PTPRD: variants seen among roughly 807,000 people sequenced by gnomAD.
PTPRD encodes the protein receptor-type tyrosine-protein phosphatase delta.
A neutral mutation model predicts 214.5 loss-of-function variants in PTPRD; 34 were observed. That is an observed-to-expected ratio of 0.16 (90% CI 0.12 to 0.21). PTPRD has a LOEUF of 0.21. PTPRD is among the 10% of genes least tolerant of loss of function. The pLI, the probability that PTPRD is intolerant of heterozygous loss-of-function variation, is 1.00. For missense variants in PTPRD, 2,545 were observed against 2,398.7 expected (o/e 1.06, Z -1.27); for synonymous variants, 1,128 against 845.7 (o/e 1.33, Z -5.79).
intron 3 of PTPRD, among the ~76,000 whole-genome samples, chr9:10,071,841 T>A (rs972825147): frequency 1.3e-5 from 2 of 151,992 alleles, no homozygotes; most frequent in East Asian, 1.9e-4. Flanking sequence ...TTGACAATTA[T>A]GAGAATTATA....
At chr9:9,222,867 A>G (rs949421161) in intron 9 of PTPRD, among the ~76,000 whole-genome samples, 2 of 152,026 alleles carry the variant, frequency 1.3e-5, no homozygotes, top group Non-Finnish European at 2.9e-5. Context: ...TTACAGTACA[A>G]TATTCAAATT....
intron 14 of PTPRD, among the ~76,000 whole-genome samples, chr9:8,544,667 A>T (rs1454140927): frequency 1.3e-5 from 2 of 150,054 alleles, no homozygotes; most frequent in Non-Finnish European, 3.0e-5. Context: ...ACAGGGTTTC[A>T]CCATGCTGGA....
At chr9:8,689,106 C>T (rs2097753785) in intron 12 of PTPRD, among the ~76,000 whole-genome samples, 2 of 152,154 alleles carry the variant, frequency 1.3e-5, no homozygotes, top group East Asian at 3.9e-4. Flanking sequence ...CTAAATCAGG[C>T]TGGGCAATCA....
In PTPRD at chr9:8,507,362, G is replaced by C; in HGVS notation, c.1616C>G (p.Pro539Arg). ...ETSILLSWTPPRSDTIANYEL... is the reference protein window; with the variant it reads ...ETSILLSWTPRRSDTIANYEL... Reference sequence around the variant, plus strand: ...ATAGTTGGCAATGGTATCTGAACGTGGAGGTGTCCAAGAGAGCAAAATACT... The same window carrying C: ...ATAGTTGGCAATGGTATCTGAACGTCGAGGTGTCCAAGAGAGCAAAATACT... Residue 539 changes from proline (P) to arginine (R), a missense_variant, in exon 22 of 46, where the codon CCA becomes CGA. Pro to Arg is a moderately radical substitution (Grantham distance 103). Transcript: ENST00000381196. The C allele has an allele frequency of 6.2e-7, 1 of 1,613,974 alleles. No individual in the cohort carries two copies. Among genetic ancestry groups the C allele is most frequent in the Non-Finnish European group, 8.5e-7 (1 of 1,179,874 alleles).
intron 8 of PTPRD, among the ~76,000 whole-genome samples, chr9:9,467,578 C>G (rs1393684984): frequency 6.6e-5 from 2 of 30,432 alleles, no homozygotes; most frequent in Non-Finnish European, 1.5e-4. Context: ...CAGAGCGGGA[C>G]TCCATCTCCC....
At chr9:8,864,693 C>G (rs1309270862) in intron 11 of PTPRD, among the ~76,000 whole-genome samples, 1 of 152,142 alleles carries the variant, frequency 6.6e-6, no homozygotes, top group Admixed American at 6.5e-5. Flanking sequence ...TATAAATGAC[C>G]AGTGGCAAGT....
intron 11 of PTPRD, among the ~76,000 whole-genome samples, chr9:8,796,299 T>C (rs746788654): frequency 1.3e-5 from 2 of 152,200 alleles, no homozygotes; most frequent in Admixed American, 6.5e-5. Flanking sequence ...GGGATAAATA[T>C]TTAAATATAT....
intron 11 of PTPRD, among the ~76,000 whole-genome samples, chr9:8,892,795 T>C (rs1254711665): frequency 6.6e-6 from 1 of 150,748 alleles, no homozygotes; most frequent in Non-Finnish European, 1.5e-5. Context: ...AGTTCCAAGG[T>C]TGAGAGGAGG....
intron 11 of PTPRD, among the ~76,000 whole-genome samples, chr9:8,749,387 C>T (rs1280806930): frequency 6.6e-6 from 1 of 152,126 alleles, no homozygotes; most frequent in African/African-American, 2.4e-5. Flanking sequence ...GGGGTTTCAC[C>T]ACATTGGCCA....
intron 3 of PTPRD, among the ~76,000 whole-genome samples, chr9:10,213,587 T>A (rs2099526941): frequency 6.6e-6 from 1 of 152,142 alleles, no homozygotes; most frequent in Non-Finnish European, 1.5e-5. Flanking sequence ...ACTAAAGTGT[T>A]GGAGGTTATT....
intron 8 of PTPRD, among the ~76,000 whole-genome samples, chr9:9,423,063 C>A (rs770968983): frequency 6.6e-6 from 1 of 152,142 alleles, no homozygotes; most frequent in Admixed American, 6.6e-5. Context: ...AAACCTCATC[C>A]TCTTCCTCAT....
intron 8 of PTPRD, among the ~76,000 whole-genome samples, chr9:9,417,579 TA>T (rs938943315): frequency 9.9e-5 from 15 of 152,148 alleles, no homozygotes; most frequent in East Asian, 7.7e-4. Context: ...CTCAGGGTCT[TA>T]AAAAAATTGA....
intron 11 of PTPRD, among the ~76,000 whole-genome samples, chr9:8,817,987 C>A (rs1278969125): frequency 6.6e-6 from 1 of 152,166 alleles, no homozygotes; most frequent in Non-Finnish European, 1.5e-5. Flanking sequence ...AATTTTACAA[C>A]CTGAGCTTCC....
At chr9:8,622,236 C>T (rs974547802) in intron 14 of PTPRD, among the ~76,000 whole-genome samples, 9 of 151,816 alleles carry the variant, frequency 5.9e-5, no homozygotes, top group Non-Finnish European at 7.4e-5. Context: ...TTCTCAAAAC[C>T]GAACCAAAGT....
At chr9:9,555,239 T>C (rs117859268) in intron 8 of PTPRD, among the ~76,000 whole-genome samples, 2,524 of 152,174 alleles carry the variant, frequency 0.017, 40 homozygotes, top group Admixed American at 0.026. Flanking sequence ...CTTTCTAATA[T>C]AATAAAATAT....
At chr9:9,141,300 G>C (rs1166689567) in intron 10 of PTPRD, among the ~76,000 whole-genome samples, 3 of 150,052 alleles carry the variant, frequency 2.0e-5, no homozygotes, top group Non-Finnish European at 4.4e-5. Context: ...AGGTTCCTGA[G>C]TCATTTCATG....
At chr9:9,151,448 G>C (rs1483287899) in intron 10 of PTPRD, among the ~76,000 whole-genome samples, 2 of 152,162 alleles carry the variant, frequency 1.3e-5, no homozygotes, top group African/African-American at 4.8e-5. Flanking sequence ...CTGCAGGCAG[G>C]CGTCTGGGGA....
intron 9 of PTPRD, among the ~76,000 whole-genome samples, chr9:9,235,286 A>G (rs1001529939): frequency 3.3e-5 from 5 of 152,150 alleles, no homozygotes; most frequent in African/African-American, 1.2e-4. Flanking sequence ...CCCTCCCATG[A>G]CAAATGTGGA....
At chr9:10,150,351 G>A (rs572494105) in intron 3 of PTPRD, among the ~76,000 whole-genome samples, 3 of 152,144 alleles carry the variant, frequency 2.0e-5, no homozygotes, top group African/African-American at 4.8e-5. Context: ...ATGAGTTCAT[G>A]TCCTTTGTAG....
Sources: allele counts gnomAD v4.1 joint callset (sites outside exome capture counted in the v4.1 genomes callset), GRCh38; gene constraint gnomAD v4.1.1; transcripts MANE v1.5; gene names NCBI Gene and HGNC (gene_info 2026-07-23, HGNC 2026-07-21).